PLEKHG6: variants seen among roughly 807,000 people sequenced by gnomAD.
The protein encoded by PLEKHG6 is pleckstrin homology domain-containing family G member 6.
In PLEKHG6, 91 loss-of-function variants were observed where a neutral mutation model predicts 97.5. That is an observed-to-expected ratio of 0.93 (90% CI 0.79 to 1.11). The LOEUF is 1.11. PLEKHG6 is among the 50% of genes most tolerant of loss of function. The pLI is 0.00. For synonymous variants in PLEKHG6, 466 were observed against 425.5 expected (o/e 1.10, Z -1.17); for missense variants, 1,044 against 1,031.0 (o/e 1.01, Z -0.17).
intron 13 of PLEKHG6, among the ~76,000 whole-genome samples, chr12:6,324,631 C>T (rs945144769): frequency 6.6e-6 from 1 of 152,190 alleles, no homozygotes; most frequent in African/African-American, 2.4e-5. Context: ...AGGTACCCTC[C>T]CCTGCTCCGG....
At chr12:6,314,777 C>T (rs1201808190) in intron 3 of PLEKHG6, among the ~76,000 whole-genome samples, 1 of 152,164 alleles carries the variant, frequency 6.6e-6, no homozygotes, top group Non-Finnish European at 1.5e-5. Flanking sequence ...TGCCTCTTCA[C>T]CCACATTCCA....
Position 6,318,855 on chromosome 12 carries a change from G to A in PLEKHG6, c.1386G>A (p.Val462=), listed in dbSNP as rs769656914. The change falls in exon 12 of 16, where the codon GTG becomes GTA. Residue 462 remains valine, a synonymous_variant. Coordinates refer to ENST00000684764, the MANE Select transcript of PLEKHG6 (RefSeq NM_001384598.1). ...CCCCTCTCATGCTGGAGAAGCTCGT[G>A]TGCCAACCCCTGCGAGACCCCAGTA... ...IRPPLMLEKL[V]CQPLRDPNSF... 1.9e-6 allele frequency: 3 copies of A among 1,614,114 alleles called. No homozygotes were observed. Among genetic ancestry groups the A allele is most frequent in the Admixed American group, 1.7e-5 (1 of 60,010 alleles).
intron 13 of PLEKHG6, among the ~76,000 whole-genome samples, chr12:6,321,271 C>T (rs1306012553): frequency 6.6e-6 from 1 of 152,074 alleles, no homozygotes; most frequent in Non-Finnish European, 1.5e-5. Context: ...ATCTGCATAT[C>T]TCGGCCTCCC....
At position 6,318,836 on chromosome 12, in the gene PLEKHG6, T is replaced by C. The variant is rs1234289263; in HGVS notation, c.1367T>C (p.Leu456Pro). 1.2e-6 allele frequency: 2 copies of C among 1,614,174 alleles called. No homozygotes were observed. ...AAAGCCAAGGTCATCCGACCCCCTC[T>C]CATGCTGGAGAAGCTCGTGTGCCAA... is the stretch of plus-strand genomic sequence containing the variant. ...ADKAKVIRPP[L>P]MLEKLVCQPL... The change falls in exon 12 of 16, where the codon CTC (leucine) becomes CCC (proline). Residue 456 changes from leucine to proline, a missense_variant. Leu to Pro is a moderately conservative substitution (Grantham distance 98, BLOSUM62 -3). Transcript: ENST00000684764.
At chr12:6,324,793 G>A (rs1004909722) in intron 13 of PLEKHG6, among the ~76,000 whole-genome samples, 4 of 152,192 alleles carry the variant, frequency 2.6e-5, no homozygotes, top group Non-Finnish European at 4.4e-5. Flanking sequence ...TGCTCCCCGG[G>A]TTTCTTGAGA....
intron 13 of PLEKHG6, 140 bp downstream of exon 13, chr12:6,319,248 G>C (rs1947613224): frequency 1.6e-6 from 1 of 639,184 alleles, no homozygotes; most frequent in Non-Finnish European, 2.7e-6. Flanking sequence ...AGGAGTTTGA[G>C]ACCAGCCTGG....
intron 13 of PLEKHG6, 24 bp from the exon 14 acceptor site, chr12:6,326,404 A>AGT: frequency 6.2e-7 from 1 of 1,602,208 alleles, no homozygotes; most frequent in Non-Finnish European, 8.6e-7. Flanking sequence ...GAGAGCTCTT[A>AGT]ATAACGAAAG....
Position 6,313,801 on chromosome 12 carries a change from C to G in PLEKHG6, c.294+17C>G. Reference sequence around the variant, plus strand: ...AAACTCAAGGTAAGGGGGTCCCTCTCCTCCCATCCCCACACATACGGCCCC... The same window carrying G: ...AAACTCAAGGTAAGGGGGTCCCTCTGCTCCCATCCCCACACATACGGCCCC... On this transcript the variant is annotated intron_variant, in intron 3 of 15. Transcript: ENST00000684764. 1 of 1,545,340 alleles carries G rather than the reference C, an allele frequency of 6.5e-7. No individual in the cohort carries two copies. Among genetic ancestry groups the G allele is most frequent in the Non-Finnish European group, 8.7e-7 (1 of 1,147,508 alleles).
chr12:6,319,308 C>T lies in PLEKHG6; in HGVS notation c.1524+200C>T, dbSNP rs544856857. On this transcript the variant is annotated intron_variant, in intron 13 of 15. Coordinates refer to ENST00000684764, the MANE Select transcript of PLEKHG6 (RefSeq NM_001384598.1). ...ACTAAAAATACAAAAATTAGCCGGG[C>T]GTGGTGGTGTGTGCCTGTAGTCCCC... The T allele has an allele frequency of 1.3e-3, 806 of 608,986 alleles. 2 individuals are homozygous for T. Among genetic ancestry groups the T allele is most frequent in the African/African-American group, 0.012 (650 of 54,102 alleles). 37.7% of individuals were successfully genotyped at this position (608,986 alleles called of 1,614,324 possible).
chr12:6,318,536 G>A, intron 11 of PLEKHG6, 116 bp downstream of exon 11: 1 of 1,351,504 alleles, frequency 7.4e-7, no homozygotes. Flanking sequence ...TTCTGGCTAA[G>A]CCCCAGTCAT....
At chr12:6,319,739 C>T in intron 13 of PLEKHG6, 1 of 1,455,252 alleles carries the variant, frequency 6.9e-7, no homozygotes, top group South Asian at 1.3e-5. Flanking sequence ...TTACAGGGCA[C>T]TTGCTGAGTA....
chr12:6,319,370 C>T (rs1219379046), intron 13 of PLEKHG6: 3 of 673,336 alleles, frequency 4.5e-6, no homozygotes, highest in African/African-American at 1.8e-5. Flanking sequence ...ATCACTTGAG[C>T]CCGGGAAGTG....
intron 1 of PLEKHG6, 71 bp downstream of exon 1, chr12:6,310,919 AG>A (rs1336291919): frequency 6.5e-6 from 1 of 152,794 alleles, no homozygotes; most frequent in African/African-American, 2.4e-5. Flanking sequence ...GCCGGGGCGA[AG>A]GGGAAGGAAG....
At chr12:6,318,207 G>A in intron 10 of PLEKHG6, 94 bp from the exon 11 acceptor site, 1 of 1,580,538 alleles carries the variant, frequency 6.3e-7, no homozygotes, top group Non-Finnish European at 8.6e-7. Context: ...GATACAAACA[G>A]AAAGGTGTTG....
intron 13 of PLEKHG6, among the ~76,000 whole-genome samples, chr12:6,322,196 C>A (rs112555816): frequency 6.6e-6 from 1 of 152,298 alleles, no homozygotes; most frequent in Non-Finnish European, 1.5e-5. Flanking sequence ...GAAATGCAGT[C>A]ATTAGAAAGG....
intron 7 of PLEKHG6, among the ~76,000 whole-genome samples, 171 bp from the exon 8 acceptor site, chr12:6,317,132 C>A (rs1162766758): frequency 6.6e-6 from 1 of 152,186 alleles, no homozygotes; most frequent in Admixed American, 6.5e-5. Flanking sequence ...GAGAAAGGGG[C>A]GTAGCCTCGA....
chr12:6,326,570 G>T lies in PLEKHG6; in HGVS notation c.1667G>T (p.Gly556Val), dbSNP rs941307067. 1 of 1,516,948 alleles carries T rather than the reference G, an allele frequency of 6.6e-7. No homozygotes were observed. Among genetic ancestry groups the T allele is most frequent in the Non-Finnish European group, 8.8e-7 (1 of 1,137,496 alleles). The allele number at this position is 1,516,948 out of a possible 1,614,324, so 94.0% of individuals were successfully genotyped here. ...GAGGGCTCTCAGAGCAGCGCAGAGG[G>T]GAGGTAAGGCTCACACGGACTACAA... is the stretch of plus-strand genomic sequence containing the variant. ...SLEGSQSSAEGRTPEFSTIIP... is the reference protein window; with the variant it reads ...SLEGSQSSAEVRTPEFSTIIP... The change falls in exon 14 of 16, where the codon GGG becomes GTG. Residue 556 changes from glycine to valine, a missense_variant. Gly to Val is a moderately radical substitution (Grantham distance 109). Coordinates refer to ENST00000684764, the MANE Select transcript of PLEKHG6 (RefSeq NM_001384598.1).
At chr12:6,323,740 T>C (rs1947774473) in intron 13 of PLEKHG6, among the ~76,000 whole-genome samples, 1 of 152,208 alleles carries the variant, frequency 6.6e-6, no homozygotes, top group African/African-American at 2.4e-5. Context: ...GGAGTTGCAG[T>C]GCACGCAGGA....
chr12:6,313,788 A>G lies in PLEKHG6; in HGVS notation c.294+4A>G. 6.4e-7 allele frequency: 1 copy of G among 1,565,002 alleles called. No homozygotes were observed. Among genetic ancestry groups the G allele is most frequent in the Non-Finnish European group, 8.6e-7 (1 of 1,156,644 alleles). ...GCTTCACTCCCCCAAACTCAAGGTA[A>G]GGGGGTCCCTCTCCTCCCATCCCCA... is the stretch of plus-strand genomic sequence containing the variant. On this transcript the variant is annotated splice_donor_region_variant and intron_variant, in intron 3 of 15. Transcript: ENST00000684764.
Sources: allele counts gnomAD v4.1 joint callset (sites outside exome capture counted in the v4.1 genomes callset), GRCh38; gene constraint gnomAD v4.1.1; transcripts MANE v1.5; gene names NCBI Gene and HGNC (gene_info 2026-07-23, HGNC 2026-07-21).